Variants in KIRREL3 observed in about 807,000 individuals in gnomAD.
KIRREL3 encodes kirre like nephrin family adhesion molecule 3.
KIRREL3 carries 36 observed loss-of-function variants against 89.7 expected under a neutral mutation model. The observed-to-expected ratio is 0.40, with a 90% CI of 0.31 to 0.53. KIRREL3 has a LOEUF of 0.53. Ranked by LOEUF, KIRREL3 falls within the 20% of genes least tolerant of loss-of-function variation. The pLI is 0.49. For synonymous variants in KIRREL3, 445 were observed against 441.4 expected (o/e 1.01, Z -0.10); for missense variants, 864 against 1,056.6 (o/e 0.82, Z 2.53).
Position 126,931,510 on chromosome 11 carries a change from A to G in KIRREL3, c.55+68945T>C, listed in dbSNP as rs1392167458. 1.3e-5 allele frequency among the ~76,000 whole-genome samples: 2 copies of G among 152,152 alleles called. No individual in the cohort carries two copies. The highest frequency in any genetic ancestry group is 4.8e-5 in the African/African-American group (2 of 41,436). ...AGCATTGTGGCATCCAGACTTTGAGACAATCTTAAATACGTTCTTCTGAAG... is the reference window on the plus strand; with the variant it reads ...AGCATTGTGGCATCCAGACTTTGAGGCAATCTTAAATACGTTCTTCTGAAG... On this transcript the variant is annotated intron_variant, in intron 1 of 16. Coordinates refer to ENST00000525144, the MANE Select transcript of KIRREL3 (RefSeq NM_032531.4). This position sits in a 1 kb window ranked among gnomAD's most constrained non-coding sequence, Gnocchi z 5.1.
intron 2 of KIRREL3, among the ~76,000 whole-genome samples, chr11:126,542,201 C>T (rs2134496695): frequency 6.6e-6 from 1 of 152,342 alleles, no homozygotes; most frequent in East Asian, 1.9e-4. Context: ...CTTGGTCTTG[C>T]TCTCTGAGCC....
intron 1 of KIRREL3, among the ~76,000 whole-genome samples, chr11:126,735,655 C>T (rs577479393): frequency 9.9e-5 from 15 of 152,208 alleles, no homozygotes; most frequent in Non-Finnish European, 2.2e-4. Flanking sequence ...GATATCAAAA[C>T]CTGTAACTCT....
At chr11:126,577,445 C>T (rs1176049812) in intron 1 of KIRREL3, among the ~76,000 whole-genome samples, 1 of 151,940 alleles carries the variant, frequency 6.6e-6, no homozygotes, top group Non-Finnish European at 1.5e-5. Context: ...TGGCAACCAG[C>T]ATCCTAGAAA....
chr11:126,482,354 G>T (rs1247515860), intron 4 of KIRREL3, among the ~76,000 whole-genome samples: 1 of 152,172 alleles, frequency 6.6e-6, no homozygotes, highest in Non-Finnish European at 1.5e-5. Context: ...CTTTCCTTTT[G>T]CTTTGCTAAC....
chr11:126,853,173 C>A (rs771747247), intron 1 of KIRREL3, among the ~76,000 whole-genome samples: 1 of 152,060 alleles, frequency 6.6e-6, no homozygotes, highest in Non-Finnish European at 1.5e-5. Context: ...CTGTTTAAAT[C>A]GCTGTGTGTG....
In KIRREL3 at chr11:126,520,397, T is replaced by C. The variant is rs1958547348; in HGVS notation, c.433+918A>G. On this transcript the variant is annotated intron_variant, in intron 4 of 16. Transcript: ENST00000525144. This position sits in a 1 kb window ranked among gnomAD's most constrained non-coding sequence, Gnocchi z 4.9. ...CCAGGAGCCCATGGGCCAAGCTCTT[T>C]GCATCTGTGGGCCTTAGTATCTCAT... is the stretch of plus-strand genomic sequence containing the variant. Among the ~76,000 whole-genome samples the C allele has an allele frequency of 1.3e-5, 2 of 152,152 alleles. No individual in the cohort carries two copies. Among genetic ancestry groups the C allele is most frequent in the South Asian group, 4.1e-4 (2 of 4,834 alleles).
chr11:126,458,065 G>A (rs1956431637), intron 6 of KIRREL3, among the ~76,000 whole-genome samples: 1 of 152,132 alleles, frequency 6.6e-6, no homozygotes, highest in Admixed American at 6.5e-5. Flanking sequence ...GGGGGATAAC[G>A]AGCCAGTTCC....
rs1479469060 is a variant in KIRREL3 at position 126,778,077 on chromosome 11, T to A, written c.56-215165A>T. Among the ~76,000 whole-genome samples the A allele has an allele frequency of 6.7e-6, 1 of 149,546 alleles. No homozygotes were observed. The highest frequency in any genetic ancestry group is 1.5e-5 in the Non-Finnish European group (1 of 67,426). ...AAAAAAAAAGAAAAACTATAGACAA[T>A]CCAAAAGAGCAAAATGAAAATTATG... On this transcript the variant is annotated intron_variant, in intron 1 of 16. Coordinates refer to ENST00000525144, the MANE Select transcript of KIRREL3 (RefSeq NM_032531.4). This position sits in a 1 kb window ranked among gnomAD's most constrained non-coding sequence, Gnocchi z 4.5.
intron 1 of KIRREL3, among the ~76,000 whole-genome samples, chr11:126,958,347 G>A (rs1948982728): frequency 1.3e-5 from 2 of 152,202 alleles, no homozygotes; most frequent in Admixed American, 6.5e-5. Flanking sequence ...CATTGGCCAA[G>A]TGTCTATAAG....
Position 126,729,736 on chromosome 11 carries a change from TC to T in KIRREL3, c.56-166825del, listed in dbSNP as rs373506501. ...CAGGTGAAAAGCTCACAGCTCAGGG[TC>T]CCCTGCTATTTTATGAGCTTGGGAG... On this transcript the variant is annotated intron_variant, in intron 1 of 16. Coordinates refer to ENST00000525144, the MANE Select transcript of KIRREL3 (RefSeq NM_032531.4). This position sits in a 1 kb window ranked among gnomAD's most constrained non-coding sequence, Gnocchi z 4.5. 3.6e-3 allele frequency among the ~76,000 whole-genome samples: 543 copies of T among 152,236 alleles called. 4 individuals are homozygous for T. Among genetic ancestry groups the T allele is most frequent in the African/African-American group, 0.013 (530 of 41,538 alleles).
Position 126,485,526 on chromosome 11 carries a change from G to T in KIRREL3, c.434-12060C>A, listed in dbSNP as rs183690510. On this transcript the variant is annotated intron_variant, in intron 4 of 16. Coordinates refer to ENST00000525144, the MANE Select transcript of KIRREL3 (RefSeq NM_032531.4). This position sits in a 1 kb window ranked among gnomAD's most constrained non-coding sequence, Gnocchi z 5.8. ...TGATGTTAATGTCATAGATATTATA[G>T]TAGCTGTTGTACAGGGCTGGTGTGC... Among the ~76,000 whole-genome samples, 2 of 152,350 alleles carry T rather than the reference G, an allele frequency of 1.3e-5. No homozygotes were observed. Among genetic ancestry groups the T allele is most frequent in the Non-Finnish European group, 2.9e-5 (2 of 68,040 alleles).
chr11:126,876,488 C>T lies in KIRREL3; in HGVS notation c.55+123967G>A, dbSNP rs1945289933. On this transcript the variant is annotated intron_variant, in intron 1 of 16. Coordinates refer to ENST00000525144, the MANE Select transcript of KIRREL3 (RefSeq NM_032531.4). This position sits in a 1 kb window ranked among gnomAD's most constrained non-coding sequence, Gnocchi z 4.1. ...GTGCTATCCCTGCTCACTGTTGCACCTGATACACCTATCCTAGTGCTTGGC... is the reference window on the plus strand; with the variant it reads ...GTGCTATCCCTGCTCACTGTTGCACTTGATACACCTATCCTAGTGCTTGGC... 6.6e-6 allele frequency among the ~76,000 whole-genome samples: 1 copy of T among 151,988 alleles called. No individual in the cohort carries two copies. Among genetic ancestry groups the T allele is most frequent in the Admixed American group, 6.6e-5 (1 of 15,262 alleles).
rs78877876 is a variant in KIRREL3, at chr11:126,431,973, G to A, written c.1589-447C>T. Among the ~76,000 whole-genome samples the A allele has an allele frequency of 8.1e-3, 1,227 of 152,228 alleles. 9 individuals carry two copies. The highest frequency in any genetic ancestry group is 0.011 in the Non-Finnish European group (722 of 67,998). On this transcript the variant is annotated intron_variant, in intron 13 of 16. Coordinates refer to ENST00000525144, the MANE Select transcript of KIRREL3 (RefSeq NM_032531.4). The surrounding 1 kb of genome is among the most constrained non-coding windows in gnomAD (Gnocchi z 7.1). ...TATGGTCACTGCCCTTGTTTGTTCC[G>A]TATGTTCTCTCCTTCCCTTCCCTTT...
intron 1 of KIRREL3, among the ~76,000 whole-genome samples, chr11:126,707,938 A>G (rs1371339664): frequency 6.6e-6 from 1 of 151,290 alleles, no homozygotes; most frequent in Non-Finnish European, 1.5e-5. Flanking sequence ...GGCCATCCCC[A>G]TGCATTCATT....
At position 126,898,194 on chromosome 11, in the gene KIRREL3, G is replaced by A. The variant is rs4937216; in HGVS notation, c.55+102261C>T. Among the ~76,000 whole-genome samples the A allele has an allele frequency of 0.46, 70,010 of 151,922 alleles. 18,378 individuals are homozygous for A. Among genetic ancestry groups the A allele is most frequent in the African/African-American group, 0.72 (29,989 of 41,440 alleles). ...GAAGTAAAGAGTTAGGATCAAAGCTGTTAGTAACAAGGACAATGAAACACT... is the reference window on the plus strand; with the variant it reads ...GAAGTAAAGAGTTAGGATCAAAGCTATTAGTAACAAGGACAATGAAACACT... On this transcript the variant is annotated intron_variant, in intron 1 of 16. Transcript: ENST00000525144. This position sits in a 1 kb window ranked among gnomAD's most constrained non-coding sequence, Gnocchi z 4.9.
At chr11:126,453,234 A>G (rs1337474185) in intron 7 of KIRREL3, among the ~76,000 whole-genome samples, 2 of 152,064 alleles carry the variant, frequency 1.3e-5, no homozygotes, top group African/African-American at 4.8e-5. Context: ...TTGTCCTCAA[A>G]TAGACCAAGG....
chr11:126,688,953 A>AT (rs1021136188), intron 1 of KIRREL3, among the ~76,000 whole-genome samples: 11 of 150,076 alleles, frequency 7.3e-5, no homozygotes, highest in South Asian at 2.1e-4. Flanking sequence ...GGACAGGAAG[A>AT]TTTTTTTTTT....
chr11:126,841,940 C>A (rs921834626), intron 1 of KIRREL3, among the ~76,000 whole-genome samples: 9 of 152,144 alleles, frequency 5.9e-5, no homozygotes, highest in Admixed American at 3.9e-4. Context: ...AGCACAATAG[C>A]AGTCCTAGGG....
rs1948770513 is a variant in KIRREL3, at chr11:126,951,431, G to GCATC, written c.55+49023_55+49024insGATG. Among the ~76,000 whole-genome samples, 3 of 152,144 alleles carry GCATC rather than the reference G, an allele frequency of 2.0e-5. No individual in the cohort carries two copies. The South Asian group carries it at 6.2e-4, about 32-fold the overall frequency. On this transcript the variant is annotated intron_variant, in intron 1 of 16. Coordinates refer to ENST00000525144, the MANE Select transcript of KIRREL3 (RefSeq NM_032531.4). Reference sequence around the variant, plus strand: ...TGCCTGCAGCATCTGGCTCACTGAAGGACACACCGTAGATGCTCAGTAATG... The same window carrying GCATC: ...TGCCTGCAGCATCTGGCTCACTGAAGCATCGACACACCGTAGATGCTCAGTAATG...
Sources: gnomAD v4.1 joint callset for allele counts (sites outside exome capture counted in the v4.1 genomes callset) on GRCh38, gnomAD v4.1.1 for gene constraint, Gnocchi (gnomAD v3.1) non-coding constraint, MANE v1.5 for transcripts, NCBI Gene and HGNC (gene_info 2026-07-23, HGNC 2026-07-21) for gene names.